The following USH2A variants were observed in gnomAD, a reference collection of about 807,000 sequenced individuals.
USH2A encodes the protein Usher syndrome 2A (autosomal recessive, mild).
Under a neutral mutation model 538.9 loss-of-function variants are expected in USH2A, and 443 were observed. The ratio of observed to expected loss-of-function variants is 0.82; its 90% confidence interval spans 0.76 to 0.89. USH2A has a LOEUF of 0.89. USH2A is among the 40% of genes least tolerant of loss of function. USH2A has a pLI of 0.00. For synonymous variants in USH2A, 2,413 were observed against 2,273.5 expected (o/e 1.06, Z -1.75); for missense variants, 6,633 against 6,324.8 (o/e 1.05, Z -1.65).
At chr1:216,199,325 C>T (rs984557568) in intron 17 of USH2A, among the ~76,000 whole-genome samples, 3 of 152,064 alleles carry the variant, frequency 2.0e-5, no homozygotes, top group Non-Finnish European at 4.4e-5. Flanking sequence ...TAATGCATTT[C>T]ATAAGTGAGT....
rs780893919 is a variant in USH2A, at chr1:215,680,175, G to T, written c.12268C>A (p.Pro4090Thr). The T allele has an allele frequency of 1.3e-5, 21 of 1,613,976 alleles. No homozygotes were observed. Among genetic ancestry groups the T allele is most frequent in the Non-Finnish European group, 1.6e-5 (19 of 1,180,000 alleles). ...TTAATCACACCATTGGTTCTCATAG[G>T]TTCTGACCACTGTAGTAGCAATGCC... Reference protein sequence around the residue: ...GRALLLQWSEPMRTNGVIKTY... With the variant: ...GRALLLQWSETMRTNGVIKTY... Residue 4090 changes from proline to threonine, a missense_variant, in exon 62 of 72, where the codon CCT (proline) becomes ACT (threonine). Pro to Thr is a conservative substitution (Grantham distance 38). Coordinates refer to ENST00000307340, the MANE Select transcript of USH2A (RefSeq NM_206933.4).
chr1:216,357,387 C>T (rs369854411), intron 4 of USH2A, among the ~76,000 whole-genome samples: 8 of 151,948 alleles, frequency 5.3e-5, no homozygotes, highest in African/African-American at 1.9e-4. Context: ...AAAAAATTAG[C>T]ATGATTTCAG....
At chr1:215,734,177 T>G (rs1245027263) in intron 60 of USH2A, among the ~76,000 whole-genome samples, 1 of 152,214 alleles carries the variant, frequency 6.6e-6, no homozygotes, top group African/African-American at 2.4e-5. Flanking sequence ...ATCTGCCAAC[T>G]TAACACTACA....
rs774677256 is a variant in USH2A at position 215,743,251 on chromosome 1, TG to T, written c.11473del (p.His3825IlefsTer10). The T allele has an allele frequency of 5.6e-6, 9 of 1,612,422 alleles. 1 individual carries two copies. The South Asian group carries it at 9.9e-5, about 18-fold the overall frequency. On this transcript the variant is annotated frameshift_variant, in exon 59 of 72. Coordinates refer to ENST00000307340, the MANE Select transcript of USH2A (RefSeq NM_206933.4). LOFTEE classifies it high-confidence loss of function. ...ATTTTCCAGAAGGGTGGATTGATGA[TG>T]ACCAACGGAGAAGGCCAGAGGTGTT... ...SVTPLAFSVG[H>X]HQSTLLENLT...
chr1:216,337,856 T>A (rs892252125), intron 4 of USH2A, among the ~76,000 whole-genome samples: 13 of 151,380 alleles, frequency 8.6e-5, no homozygotes, highest in Admixed American at 4.6e-4. Context: ...TTATAATATT[T>A]CTTTATATCA....
chr1:216,108,783 T>A (rs1571967948), intron 21 of USH2A, among the ~76,000 whole-genome samples: 2 of 152,144 alleles, frequency 1.3e-5, no homozygotes, highest in East Asian at 3.9e-4. Context: ...TTTTCAGATC[T>A]AGAATTTCCA....
chr1:215,833,455 C>A (rs971854399), intron 47 of USH2A, among the ~76,000 whole-genome samples: 3 of 151,872 alleles, frequency 2.0e-5, no homozygotes, highest in Non-Finnish European at 4.4e-5. Flanking sequence ...AAAAGATAAT[C>A]TTTCCAAAAA....
chr1:216,347,437 A>G (rs535937448), intron 4 of USH2A, among the ~76,000 whole-genome samples: 1 of 152,272 alleles, frequency 6.6e-6, no homozygotes, highest in African/African-American at 2.4e-5. Context: ...AAATAAAATT[A>G]CAAAGTATGT....
chr1:215,670,298 C>A (rs1657772013), intron 64 of USH2A, among the ~76,000 whole-genome samples: 2 of 152,082 alleles, frequency 1.3e-5, no homozygotes, highest in Non-Finnish European at 2.9e-5. Flanking sequence ...TCCCACCACG[C>A]CTGAGCAAAG....
chr1:215,829,596 T>C (rs1482613876), intron 47 of USH2A, among the ~76,000 whole-genome samples: 1 of 152,186 alleles, frequency 6.6e-6, no homozygotes, highest in Non-Finnish European at 1.5e-5. Context: ...GAAAGATTTT[T>C]TAAAACCAAA....
chr1:216,009,240 C>T (rs1428025586), intron 32 of USH2A, among the ~76,000 whole-genome samples: 2 of 152,086 alleles, frequency 1.3e-5, no homozygotes, highest in East Asian at 3.9e-4. Flanking sequence ...TTTCTCTGGG[C>T]TTGCTTCCTT....
At chr1:216,320,217 G>T (rs2037580058) in intron 9 of USH2A, among the ~76,000 whole-genome samples, 1 of 152,024 alleles carries the variant, frequency 6.6e-6, no homozygotes, top group South Asian at 2.1e-4. Flanking sequence ...CACTCTGTTA[G>T]TTCATGGCTG....
Position 216,289,415 on chromosome 1 carries a change from A to C in USH2A, c.1841-5T>G, listed in dbSNP as rs769855477. On this transcript the variant is annotated splice_region_variant and splice_polypyrimidine_tract_variant and intron_variant, in intron 10 of 71. Transcript: ENST00000307340. ...TGCACAGCTCACAGTTCCTTCCTGC[A>C]TCAGGGAAAGGTTATGCATTATGAC... The C allele has an allele frequency of 6.2e-7, 1 of 1,613,854 alleles. No homozygotes were observed.
In USH2A at chr1:216,217,446, T is replaced by C. The variant is rs2102496329; in HGVS notation, c.3098A>G (p.Asp1033Gly). 6.2e-7 allele frequency: 1 copy of C among 1,613,298 alleles called. No individual in the cohort carries two copies. Among genetic ancestry groups the C allele is most frequent in the Non-Finnish European group, 8.5e-7 (1 of 1,179,518 alleles). ...CKQFVTGSKCDACVPSASHLD... is the reference protein window; with the variant it reads ...CKQFVTGSKCGACVPSASHLD... ...GTGGCTTGCACTGGGAACACAAGCA[T>C]CACACTTTGAGCCAGTGACAAATTG... The change falls in exon 15 of 72, where the codon GAT becomes GGT. Residue 1033 changes from aspartate (D) to glycine (G), a missense_variant. By Grantham distance (94) the Asp-to-Gly change is moderately conservative. Coordinates refer to ENST00000307340, the MANE Select transcript of USH2A (RefSeq NM_206933.4).
At chr1:215,727,133 G>A (rs1659843959) in intron 61 of USH2A, among the ~76,000 whole-genome samples, 1 of 151,932 alleles carries the variant, frequency 6.6e-6, no homozygotes, top group African/African-American at 2.4e-5. Context: ...TCACCAGTAA[G>A]CCATAGTGTA....
rs112329636 is a variant in USH2A, at chr1:215,968,208, G to A, written c.6957+2417C>T. ...GAATTTAACTTGACAATGCACATTA[G>A]CATCTAAAAATTAGGTTCAAAGGCT... On this transcript the variant is annotated intron_variant, in intron 36 of 71. Transcript: ENST00000307340. Among the ~76,000 whole-genome samples the A allele has an allele frequency of 4.5e-3, 677 of 152,040 alleles. 9 individuals are homozygous for A. The highest frequency in any genetic ancestry group is 0.015 in the African/African-American group (606 of 41,476).
chr1:216,090,439 A>G (rs867564114), intron 22 of USH2A, among the ~76,000 whole-genome samples: 76 of 151,156 alleles, frequency 5.0e-4, no homozygotes, highest in Middle Eastern at 3.4e-3. Context: ...AGTAAAAAAA[A>G]AAAAAAAAAA....
At chr1:215,708,798 C>T (rs1035896098) in intron 61 of USH2A, among the ~76,000 whole-genome samples, 16 of 152,048 alleles carry the variant, frequency 1.1e-4, no homozygotes, top group African/African-American at 3.1e-4. Context: ...GCTTGGTTCC[C>T]AACAGGCCAC....
chr1:215,759,951 A>G, intron 56 of USH2A, 108 bp from the exon 57 acceptor site: 2 of 1,275,736 alleles, frequency 1.6e-6, no homozygotes, highest in South Asian at 2.5e-5. Context: ...GTTGATTTTA[A>G]AAAATATCTA....
Sources: allele counts gnomAD v4.1 joint callset (sites outside exome capture counted in the v4.1 genomes callset), GRCh38; gene constraint gnomAD v4.1.1; transcripts MANE v1.5; gene names NCBI Gene and HGNC (gene_info 2026-07-23, HGNC 2026-07-21).